Variants in GRIA4 observed in about 807,000 individuals in gnomAD.
GRIA4 encodes the protein glutamate ionotropic receptor AMPA type subunit 4.
In GRIA4, 34 loss-of-function variants were observed where a neutral mutation model predicts 104.0. The observed-to-expected ratio is 0.33, with a 90% CI of 0.25 to 0.44. The LOEUF is 0.44. Among genes scored for constraint, GRIA4 ranks in the 20% least tolerant of loss-of-function variants. The pLI is 1.00. For synonymous variants in GRIA4, 386 were observed against 381.9 expected (o/e 1.01, Z -0.13); for missense variants, 750 against 1,096.5 (o/e 0.68, Z 4.46).
At chr11:105,939,199 T>A (rs899973022) in intron 14 of GRIA4, among the ~76,000 whole-genome samples, 1 of 152,210 alleles carries the variant, frequency 6.6e-6, no homozygotes, top group African/African-American at 2.4e-5. Flanking sequence ...TTATCAGTAT[T>A]TTTTAAGTCG....
intron 3 of GRIA4, among the ~76,000 whole-genome samples, chr11:105,642,836 T>G (rs1951410321): frequency 6.6e-6 from 1 of 152,202 alleles, no homozygotes; most frequent in African/African-American, 2.4e-5. Context: ...TATAGCATGA[T>G]GTCAGTCCAT....
intron 4 of GRIA4, among the ~76,000 whole-genome samples, chr11:105,801,640 C>T (rs1341401198): frequency 6.6e-6 from 1 of 151,922 alleles, no homozygotes; most frequent in Admixed American, 6.6e-5. Flanking sequence ...ATAGCCACTA[C>T]CATTTACTAC....
In GRIA4 at chr11:105,979,869, A is replaced by C; in HGVS notation, c.*130A>C. ...GGCTGAGAGCGGGAAGTCCGTCCTA[A>C]CGCGCTGGCCGGACATCAGCAGCAG... On this transcript the variant is annotated 3_prime_UTR_variant, in exon 17 of 17. Transcript: ENST00000282499. 3.2e-6 allele frequency: 2 copies of C among 620,444 alleles called. No homozygotes were observed. Among genetic ancestry groups the C allele is most frequent in the Non-Finnish European group, 5.6e-6 (2 of 358,426 alleles). The allele number at this position is 620,444 out of a possible 1,614,324, so 38.4% of individuals were successfully genotyped here.
intron 4 of GRIA4, among the ~76,000 whole-genome samples, chr11:105,765,246 A>C (rs769216236): frequency 6.6e-6 from 1 of 152,236 alleles, no homozygotes; most frequent in Admixed American, 6.5e-5. Context: ...TAAAGAAATA[A>C]TCAGAGTTTT....
chr11:105,728,741 C>T (rs1359021186), intron 3 of GRIA4, among the ~76,000 whole-genome samples: 2 of 152,138 alleles, frequency 1.3e-5, no homozygotes, highest in Non-Finnish European at 2.9e-5. Context: ...ATAACCTGCT[C>T]CTGAATCACT....
intron 4 of GRIA4, among the ~76,000 whole-genome samples, chr11:105,822,519 C>T (rs1413392144): frequency 6.6e-6 from 1 of 152,076 alleles, no homozygotes; most frequent in Non-Finnish European, 1.5e-5. Context: ...GGCATAATGT[C>T]TGAGCAATGG....
intron 3 of GRIA4, among the ~76,000 whole-genome samples, chr11:105,628,413 T>A (rs538701444): frequency 6.6e-5 from 10 of 152,272 alleles, no homozygotes; most frequent in Admixed American, 6.5e-4. Flanking sequence ...CATCTTGAAT[T>A]GTATTTCCTA....
chr11:105,877,048 G>C (rs111515650), intron 5 of GRIA4, among the ~76,000 whole-genome samples: 1 of 152,158 alleles, frequency 6.6e-6, no homozygotes, highest in Non-Finnish European at 1.5e-5. Flanking sequence ...GCAGTGGCTG[G>C]TACCAGTTTT....
In GRIA4 at chr11:105,646,247, A is replaced by T. The variant is rs1412773344; in HGVS notation, c.247+33813A>T. On this transcript the variant is annotated intron_variant, in intron 3 of 16. Coordinates refer to ENST00000282499, the MANE Select transcript of GRIA4 (RefSeq NM_000829.4). ...AACAGAAAATTTGGTCAAATACAAA[A>T]CTTAGTAGGAAATTTATCGTATTGA... Among the ~76,000 whole-genome samples the T allele has an allele frequency of 2.6e-5, 4 of 152,208 alleles. No homozygotes were observed. In the East Asian group the frequency reaches 7.7e-4, roughly 29 times the overall value.
chr11:105,777,972 C>G (rs1941527996), intron 4 of GRIA4, among the ~76,000 whole-genome samples: 1 of 152,208 alleles, frequency 6.6e-6, no homozygotes, highest in East Asian at 1.9e-4. Flanking sequence ...GGTCCTACTT[C>G]TTCATTCTTC....
At chr11:105,723,224 G>A (rs1050347515) in intron 3 of GRIA4, among the ~76,000 whole-genome samples, 3 of 151,912 alleles carry the variant, frequency 2.0e-5, no homozygotes, top group Non-Finnish European at 2.9e-5. Flanking sequence ...ATCAAATTAC[G>A]CAATTTTAAA....
intron 8 of GRIA4, 36 bp from the exon 9 acceptor site, chr11:105,905,161 T>G: frequency 9.1e-7 from 1 of 1,094,950 alleles, no homozygotes; most frequent in Non-Finnish European, 1.4e-6. Context: ...TAAGTGAAAT[T>G]GCAAGTGAAC....
chr11:105,785,905 G>A (rs1253247448), intron 4 of GRIA4, among the ~76,000 whole-genome samples: 3 of 151,990 alleles, frequency 2.0e-5, no homozygotes, highest in African/African-American at 7.2e-5. Flanking sequence ...CAGAACTTTG[G>A]GAGGTCAAGG....
At chr11:105,974,482 C>T (rs771602872) in intron 16 of GRIA4, 38 bp downstream of exon 16, 8 of 1,613,500 alleles carry the variant, frequency 5.0e-6, no homozygotes, top group East Asian at 4.5e-5. Context: ...CCAACTTCCT[C>T]GCAGAATACC....
chr11:105,631,246 C>G (rs1207916399), intron 3 of GRIA4, among the ~76,000 whole-genome samples: 1 of 152,052 alleles, frequency 6.6e-6, no homozygotes, highest in Admixed American at 6.6e-5. Context: ...AGGCAGCCAG[C>G]CCCGCTGGGG....
intron 14 of GRIA4, among the ~76,000 whole-genome samples, chr11:105,942,422 A>T (rs142676807): frequency 9.9e-5 from 15 of 152,240 alleles, no homozygotes; most frequent in Non-Finnish European, 1.8e-4. Context: ...TTTAAGTGAA[A>T]CAATAATAGT....
chr11:105,675,477 C>T (rs967758170), intron 3 of GRIA4, among the ~76,000 whole-genome samples: 1 of 151,794 alleles, frequency 6.6e-6, no homozygotes, highest in African/African-American at 2.4e-5. Flanking sequence ...GCGTTCCTCT[C>T]TTGCTTAAAT....
intron 14 of GRIA4, among the ~76,000 whole-genome samples, chr11:105,935,107 T>G (rs1947994978): frequency 6.6e-6 from 1 of 152,182 alleles, no homozygotes; most frequent in Non-Finnish European, 1.5e-5. Context: ...CTTTGATATG[T>G]GTGTTGGTTT....
intron 4 of GRIA4, among the ~76,000 whole-genome samples, chr11:105,788,189 A>C (rs1053570323): frequency 6.6e-6 from 1 of 152,186 alleles, no homozygotes; most frequent in Non-Finnish European, 1.5e-5. Context: ...ATGTTATGTG[A>C]TTGTTGTAAA....
Sources: gnomAD v4.1 joint callset for allele counts (sites outside exome capture counted in the v4.1 genomes callset) on GRCh38, gnomAD v4.1.1 for gene constraint, MANE v1.5 for transcripts, NCBI Gene and HGNC (gene_info 2026-07-23, HGNC 2026-07-21) for gene names.